The following CADM2 variants were observed in gnomAD, a reference collection of about 807,000 sequenced individuals.
The protein encoded by CADM2 is cell adhesion molecule 2.
A neutral mutation model predicts 49.8 loss-of-function variants in CADM2; 12 were observed. The observed-to-expected ratio is 0.24, with a 90% CI of 0.15 to 0.39. The LOEUF (loss-of-function observed/expected upper bound fraction) is 0.39, where lower values mean the gene tolerates loss of function less well. Ranked by LOEUF, CADM2 falls within the 10% of genes least tolerant of loss-of-function variation. The pLI is 1.00. For synonymous variants in CADM2, 214 were observed against 175.4 expected (o/e 1.22, Z -1.74); for missense variants, 378 against 492.3 (o/e 0.77, Z 2.20).
At chr3:85,855,621 C>CATATATATATATATATATATAT (rs142144366) in intron 3 of CADM2, among the ~76,000 whole-genome samples, 34 of 53,996 alleles carry the variant, frequency 6.3e-4, no homozygotes, top group Non-Finnish European at 1.0e-3. Context: ...ATATATAAAA[C>CATATATATATATATATATATAT]ATATATATAT....
chr3:85,144,343 G>A (rs559118440), intron 1 of CADM2, among the ~76,000 whole-genome samples: 1 of 151,850 alleles, frequency 6.6e-6, no homozygotes, highest in South Asian at 2.1e-4. Flanking sequence ...GGGCGCGATG[G>A]CTCACTCCTG....
chr3:85,508,961 A>T (rs2040485874), intron 1 of CADM2, among the ~76,000 whole-genome samples: 1 of 152,092 alleles, frequency 6.6e-6, no homozygotes, highest in African/African-American at 2.4e-5. Context: ...TTAGCCCTAA[A>T]TGTGCATATG....
At chr3:85,065,667 T>C (rs1248237146) in intron 1 of CADM2, among the ~76,000 whole-genome samples, 1 of 152,180 alleles carries the variant, frequency 6.6e-6, no homozygotes, top group African/African-American at 2.4e-5. Context: ...TAAAGACTGA[T>C]CTTAAAGTTC....
intron 8 of CADM2, among the ~76,000 whole-genome samples, chr3:85,985,584 A>G (rs1234968822): frequency 6.6e-6 from 1 of 152,054 alleles, no homozygotes; most frequent in African/African-American, 2.4e-5. Context: ...TCTAGAAATT[A>G]TAGACCCATA....
rs778739689 is a variant in CADM2 at position 86,071,179 on chromosome 3, C to T, written c.*4396C>T. 11 of 151,818 alleles carry T rather than the reference C, an allele frequency of 7.2e-5. No homozygotes were observed. The highest frequency in any genetic ancestry group is 1.3e-4 in the Non-Finnish European group (9 of 67,788). 9.4% of individuals were successfully genotyped at this position (151,818 alleles called of 1,614,324 possible). ...TTCATATCTCATTGAATTGGGAATT[C>T]TTCAATTTTGTTTGAAATGTGTGCA... On this transcript the variant is annotated 3_prime_UTR_variant, in exon 10 of 10. Coordinates refer to ENST00000383699, the MANE Select transcript of CADM2 (RefSeq NM_001167675.2).
intron 7 of CADM2, among the ~76,000 whole-genome samples, chr3:85,944,737 AG>A (rs1722420496): frequency 6.6e-6 from 1 of 152,174 alleles, no homozygotes; most frequent in Non-Finnish European, 1.5e-5. Flanking sequence ...ACGAGAACAA[AG>A]ACACAACATA....
At chr3:86,000,684 G>GA (rs564561176) in intron 8 of CADM2, among the ~76,000 whole-genome samples, 5,185 of 136,108 alleles carry the variant, frequency 0.038, 258 homozygotes, top group African/African-American at 0.12. Context: ...GGAACAGAAA[G>GA]AAAAAAAAAA....
intron 1 of CADM2, among the ~76,000 whole-genome samples, chr3:85,340,338 C>T (rs974570038): frequency 6.6e-6 from 1 of 151,492 alleles, no homozygotes; most frequent in Non-Finnish European, 1.5e-5. Context: ...ACATACTGTT[C>T]TCTGAAATTT....
intron 1 of CADM2, among the ~76,000 whole-genome samples, chr3:85,150,197 G>A (rs898894972): frequency 2.6e-5 from 4 of 152,266 alleles, no homozygotes; most frequent in Non-Finnish European, 5.9e-5. Context: ...TTTAGAGGAT[G>A]ACAAGACCTT....
At chr3:85,368,302 A>G (rs997989966) in intron 1 of CADM2, among the ~76,000 whole-genome samples, 3 of 152,116 alleles carry the variant, frequency 2.0e-5, no homozygotes, top group Non-Finnish European at 4.4e-5. Flanking sequence ...TAGTTACAAG[A>G]AAAAGCAAAA....
At chr3:84,996,443 C>G (rs2033183235) in intron 1 of CADM2, among the ~76,000 whole-genome samples, 1 of 151,980 alleles carries the variant, frequency 6.6e-6, no homozygotes, top group Non-Finnish European at 1.5e-5. Context: ...TATCAACTGT[C>G]TGGACTTGTC....
intron 2 of CADM2, among the ~76,000 whole-genome samples, chr3:85,791,521 GGAGAGAGAGAGAGAGAGAGAGAAA>G (rs1353418210): frequency 2.3e-5 from 3 of 131,294 alleles, no homozygotes; most frequent in Admixed American, 7.9e-5. Flanking sequence ...GGGTGGGGAG[GGAGAGAGAGAGAGAGAGAGAGAAA>G]GAGAGAGAGA....
intron 1 of CADM2, among the ~76,000 whole-genome samples, chr3:85,522,817 A>G (rs1250943072): frequency 6.6e-6 from 1 of 152,084 alleles, no homozygotes; most frequent in Non-Finnish European, 1.5e-5. Context: ...AGAAAGACAC[A>G]GGGCTGATAG....
chr3:85,427,160 C>CTATA (rs35485915), intron 1 of CADM2, among the ~76,000 whole-genome samples: 2,049 of 113,116 alleles, frequency 0.018, 56 homozygotes, highest in African/African-American at 0.039. Flanking sequence ...TGTATTGGAA[C>CTATA]TATATATATA....
intron 2 of CADM2, among the ~76,000 whole-genome samples, chr3:85,758,827 A>T (rs923437612): frequency 3.3e-5 from 5 of 152,000 alleles, no homozygotes; most frequent in Non-Finnish European, 7.4e-5. Flanking sequence ...TTCTGGCTTG[A>T]CTGTTTAAAA....
At chr3:85,790,784 A>G (rs1009939321) in intron 2 of CADM2, among the ~76,000 whole-genome samples, 49 of 152,264 alleles carry the variant, frequency 3.2e-4, no homozygotes, top group African/African-American at 1.2e-3. Flanking sequence ...CCCAGCTGCC[A>G]GCCAGCTTTG....
chr3:85,645,158 A>G (rs2064844155), intron 1 of CADM2, among the ~76,000 whole-genome samples: 1 of 152,102 alleles, frequency 6.6e-6, no homozygotes, highest in Non-Finnish European at 1.5e-5. Flanking sequence ...TAATAGTTAA[A>G]TTGAAATTTT....
rs191149872 is a variant in CADM2, at chr3:85,302,086, C to A, written c.61+342418C>A. On this transcript the variant is annotated intron_variant, in intron 1 of 9. Transcript: ENST00000383699. ...CTAATATGTGTCATTGTTATTCAAA[C>A]AACTGAATTACTTTGCTTTAAACTG... Among the ~76,000 whole-genome samples the A allele has an allele frequency of 1.1e-4, 16 of 152,094 alleles. No individual in the cohort carries two copies. In the East Asian group the frequency reaches 2.9e-3, roughly 28 times the overall value.
At chr3:85,154,988 C>G (rs945768873) in intron 1 of CADM2, among the ~76,000 whole-genome samples, 1 of 151,544 alleles carries the variant, frequency 6.6e-6, no homozygotes, top group Non-Finnish European at 1.5e-5. Context: ...CAAAATCATG[C>G]CAGAATGTAA....
Sources: gnomAD v4.1 joint callset for allele counts (sites outside exome capture counted in the v4.1 genomes callset) on GRCh38, gnomAD v4.1.1 for gene constraint, MANE v1.5 for transcripts, NCBI Gene and HGNC (gene_info 2026-07-23, HGNC 2026-07-21) for gene names.